The following ATP2B2 variants were observed in gnomAD, a reference collection of about 807,000 sequenced individuals.
ATP2B2 encodes the protein plasma membrane calcium-transporting ATPase 2.
Under a neutral mutation model 120.0 loss-of-function variants are expected in ATP2B2, and 15 were observed. The ratio of observed to expected loss-of-function variants is 0.12; its 90% CI spans 0.08 to 0.19. ATP2B2 has a LOEUF of 0.19. ATP2B2 is among the 10% of genes least tolerant of loss of function. ATP2B2 has a pLI of 1.00. For synonymous variants in ATP2B2, 694 were observed against 700.3 expected (o/e 0.99, Z 0.14); for missense variants, 1,045 against 1,719.8 (o/e 0.61, Z 6.94).
intron 2 of ATP2B2, among the ~76,000 whole-genome samples, chr3:10,595,881 C>T (rs912839896): frequency 6.6e-6 from 1 of 152,174 alleles, no homozygotes; most frequent in Non-Finnish European, 1.5e-5. Context: ...AATCTGACCT[C>T]GTCTCTTATT....
At chr3:10,600,684 C>G (rs565681661) in intron 2 of ATP2B2, among the ~76,000 whole-genome samples, 20 of 152,290 alleles carry the variant, frequency 1.3e-4, no homozygotes, top group African/African-American at 4.8e-4. Context: ...GCCCCTGGCC[C>G]GGCAGTGCTG....
chr3:10,346,788 T>C lies in ATP2B2; in HGVS notation c.2405-651A>G, dbSNP rs1048140934. Reference sequence around the variant, plus strand: ...TGGAGTTTGTGGGACTCCTCATTCATGGGGCTTGCGAGCAGGGATGTCCAT... The same window carrying C: ...TGGAGTTTGTGGGACTCCTCATTCACGGGGCTTGCGAGCAGGGATGTCCAT... On this transcript the variant is annotated intron_variant, in intron 16 of 22. Coordinates refer to ENST00000360273, the MANE Select transcript of ATP2B2 (RefSeq NM_001001331.4). This position sits in a 1 kb window ranked among gnomAD's most constrained non-coding sequence, Gnocchi z 4.1. Among the ~76,000 whole-genome samples, 1 of 152,214 alleles carries C rather than the reference T, an allele frequency of 6.6e-6. No individual in the cohort carries two copies. Among genetic ancestry groups the C allele is most frequent in the African/African-American group, 2.4e-5 (1 of 41,452 alleles).
intron 2 of ATP2B2, among the ~76,000 whole-genome samples, chr3:10,567,255 G>C (rs1456847252): frequency 1.3e-5 from 2 of 152,238 alleles, no homozygotes; most frequent in African/African-American, 4.8e-5. Context: ...ACATGTTGCA[G>C]TGAAAGTGGG....
At chr3:10,504,607 C>T (rs1029435091) in intron 1 of ATP2B2, among the ~76,000 whole-genome samples, 4 of 152,142 alleles carry the variant, frequency 2.6e-5, no homozygotes, top group Non-Finnish European at 5.9e-5. Flanking sequence ...AGAGGACAGC[C>T]GTGGTGTGGA....
At position 10,380,238 on chromosome 3, in the gene ATP2B2, C is replaced by A. The variant is rs535291838; in HGVS notation, c.1001-954G>T. ...TTGTGGGCTGGGTGTGCAATGTGGG[C>A]AATGGAGGCCTCTGTCTCTTGCCTA... On this transcript the variant is annotated intron_variant, in intron 8 of 22. Coordinates refer to ENST00000360273, the MANE Select transcript of ATP2B2 (RefSeq NM_001001331.4). Among the ~76,000 whole-genome samples, 52 of 152,316 alleles carry A rather than the reference C, an allele frequency of 3.4e-4. 2 individuals are homozygous for A. In the South Asian group the frequency reaches 5.6e-3, roughly 16 times the overall value.
chr3:10,584,882 G>A (rs1456327520), intron 2 of ATP2B2, among the ~76,000 whole-genome samples: 1 of 152,138 alleles, frequency 6.6e-6, no homozygotes, highest in Non-Finnish European at 1.5e-5. Context: ...TTTAGCAAAT[G>A]GCCACTATCT....
chr3:10,674,379 C>T (rs575323486), intron 1 of ATP2B2, among the ~76,000 whole-genome samples: 81 of 152,206 alleles, frequency 5.3e-4, no homozygotes, highest in African/African-American at 1.8e-3. Flanking sequence ...ACCTATTGCT[C>T]CTGGATTGTT....
intron 2 of ATP2B2, among the ~76,000 whole-genome samples, chr3:10,534,926 T>G (rs1384742654): frequency 7.8e-6 from 1 of 129,012 alleles, no homozygotes; most frequent in African/African-American, 3.0e-5. Context: ...TTTTTTGAGA[T>G]GGAGTCTCAC....
intron 2 of ATP2B2, among the ~76,000 whole-genome samples, chr3:10,540,575 T>C (rs2067415387): frequency 6.6e-6 from 1 of 151,950 alleles, no homozygotes; most frequent in African/African-American, 2.4e-5. Context: ...TGTAGGGACA[T>C]GGACGAAGCT....
chr3:10,566,336 C>T (rs1055240640), intron 2 of ATP2B2: 2 of 152,258 alleles, frequency 1.3e-5, no homozygotes, highest in Non-Finnish European at 2.9e-5. Context: ...GCCTTTGTTT[C>T]TATCCACTGT....
intron 1 of ATP2B2, among the ~76,000 whole-genome samples, chr3:10,691,116 C>T (rs1190016028): frequency 2.0e-5 from 3 of 152,208 alleles, no homozygotes; most frequent in Non-Finnish European, 2.9e-5. Flanking sequence ...GGAATGGAAA[C>T]AGCACAAGCC....
At chr3:10,624,754 A>G (rs2069647832) in intron 1 of ATP2B2, among the ~76,000 whole-genome samples, 1 of 152,218 alleles carries the variant, frequency 6.6e-6, no homozygotes, top group Non-Finnish European at 1.5e-5. Context: ...GAGTTGTAAG[A>G]CCCATATAAG....
At chr3:10,500,137 C>T (rs1277254222) in intron 1 of ATP2B2, among the ~76,000 whole-genome samples, 2 of 151,806 alleles carry the variant, frequency 1.3e-5, no homozygotes, top group African/African-American at 4.8e-5. Flanking sequence ...GGGGTTTTGC[C>T]ATGTTGGCCA....
At chr3:10,639,543 A>G (rs539433745) in intron 1 of ATP2B2, among the ~76,000 whole-genome samples, 1 of 152,192 alleles carries the variant, frequency 6.6e-6, no homozygotes, top group South Asian at 2.1e-4. Context: ...CTCAAGACCT[A>G]ATCACCTCCC....
At chr3:10,699,338 C>A (rs78409759) in intron 1 of ATP2B2, among the ~76,000 whole-genome samples, 1,740 of 152,214 alleles carry the variant, frequency 0.011, 31 homozygotes, top group African/African-American at 0.039. Context: ...GAAAGGAATA[C>A]ATTAAGTAAA....
At position 10,522,512 on chromosome 3, in the gene ATP2B2, G is replaced by A. The variant is rs192850451; in HGVS notation, c.-320+11527C>T. Among the ~76,000 whole-genome samples, 21 of 152,312 alleles carry A rather than the reference G, an allele frequency of 1.4e-4. No individual in the cohort carries two copies. The East Asian group carries it at 3.9e-3, about 28-fold the overall frequency. On this transcript the variant is annotated intron_variant, in intron 3 of 21. Transcript: ENST00000646379. ...GTAACTTTCTGTGTGCATAGCTTCT[G>A]CTGAAGCCAGTGTTGGACTTGTTAG...
intron 17 of ATP2B2, 77 bp downstream of exon 17, chr3:10,345,954 T>C: frequency 7.0e-7 from 1 of 1,428,422 alleles, no homozygotes; most frequent in Non-Finnish European, 9.6e-7. Context: ...CTGGGGCTCC[T>C]GAGTAGCCAG....
At chr3:10,614,628 C>T (rs1311209276) in intron 2 of ATP2B2, among the ~76,000 whole-genome samples, 2 of 152,144 alleles carry the variant, frequency 1.3e-5, no homozygotes, top group South Asian at 2.1e-4. Flanking sequence ...GGCAAGTGGC[C>T]TCCCCTCCCT....
At chr3:10,427,130 G>C (rs575760798) in intron 2 of ATP2B2, among the ~76,000 whole-genome samples, 1 of 152,174 alleles carries the variant, frequency 6.6e-6, no homozygotes, top group Non-Finnish European at 1.5e-5. Context: ...TAAGGAAATA[G>C]GGATAAGCAG....
Sources: allele counts gnomAD v4.1 joint callset (sites outside exome capture counted in the v4.1 genomes callset), GRCh38; gene constraint gnomAD v4.1.1; non-coding constraint Gnocchi (gnomAD v3.1); transcripts MANE v1.5; gene names NCBI Gene and HGNC (gene_info 2026-07-23, HGNC 2026-07-21).